MTUS1: variants seen among roughly 807,000 people sequenced by gnomAD.
MTUS1 encodes the protein microtubule-associated tumor suppressor 1.
A neutral mutation model predicts 120.8 loss-of-function variants in MTUS1; 109 were observed. The observed-to-expected ratio is 0.90, with a 90% CI of 0.77 to 1.06. MTUS1 has a LOEUF of 1.06. MTUS1 is among the 50% of genes least tolerant of loss of function. The pLI is 0.00. For synonymous variants in MTUS1, 737 were observed against 550.5 expected, an observed-to-expected ratio of 1.34 and a Z score of -4.74; for missense variants, 2,210 against 1,486.3, an observed-to-expected ratio of 1.49 and a Z score of -8.01.
chr8:17,668,699 G>A (rs1811412760), intron 8 of MTUS1, among the ~76,000 whole-genome samples: 1 of 151,944 alleles, frequency 6.6e-6, no homozygotes, highest in Non-Finnish European at 1.5e-5. Flanking sequence ...TTTAGGTTCA[G>A]GGGCACATGT....
chr8:17,738,966 C>G (rs1355486776), intron 3 of MTUS1, among the ~76,000 whole-genome samples: 2 of 151,062 alleles, frequency 1.3e-5, no homozygotes, highest in South Asian at 2.1e-4. Context: ...AAGTGAGACC[C>G]CCCCATCTCT....
intron 4 of MTUS1, among the ~76,000 whole-genome samples, chr8:17,717,385 T>A (rs1822545181): frequency 6.6e-6 from 1 of 152,198 alleles, no homozygotes; most frequent in African/African-American, 2.4e-5. Flanking sequence ...TTTTAGATGT[T>A]CATAGAAAAT....
At position 17,754,342 on chromosome 8, in the gene MTUS1, G is replaced by A. The variant is rs1443481940; in HGVS notation, c.1466C>T (p.Pro489Leu). Reference protein sequence around the residue: ...LGKSTIKTNTPIGCKVRKTEI... With the variant: ...LGKSTIKTNTLIGCKVRKTEI... ...AGTTTTTCTAACTTTGCAGCCTATT[G>A]GGGTATTCGTTTTGATTGTTGATTT... Residue 489 changes from proline (P) to leucine (L), a missense_variant, in exon 2 of 15, where the codon CCA (proline) becomes CTA (leucine). Pro to Leu is a moderately conservative substitution (Grantham distance 98). Coordinates refer to ENST00000693296, the MANE Select transcript of MTUS1 (RefSeq NM_001363059.2). 6.2e-7 allele frequency: 1 copy of A among 1,614,008 alleles called. No homozygotes were observed. The highest frequency in any genetic ancestry group is 8.5e-7 in the Non-Finnish European group (1 of 1,180,002).
At chr8:17,746,944 T>C (rs939103518) in intron 2 of MTUS1, among the ~76,000 whole-genome samples, 2 of 152,188 alleles carry the variant, frequency 1.3e-5, no homozygotes, top group Admixed American at 1.3e-4. Context: ...GGCACCCAAC[T>C]TCAACAATGA....
chr8:17,782,133 A>G (rs971135075), intron 1 of MTUS1, among the ~76,000 whole-genome samples: 6 of 152,214 alleles, frequency 3.9e-5, no homozygotes, highest in African/African-American at 1.4e-4. Context: ...TAGCCAGGAA[A>G]TTTCAAACAA....
At chr8:17,719,817 G>A (rs941142196) in intron 4 of MTUS1, among the ~76,000 whole-genome samples, 1 of 152,046 alleles carries the variant, frequency 6.6e-6, no homozygotes, top group African/African-American at 2.4e-5. Flanking sequence ...AAAAAACTAA[G>A]GGTAAATAAG....
intron 1 of MTUS1, among the ~76,000 whole-genome samples, chr8:17,772,552 T>C (rs961450058): frequency 2.6e-5 from 4 of 152,206 alleles, no homozygotes; most frequent in East Asian, 1.9e-4. Flanking sequence ...GAAGCACTTA[T>C]GGCTACAATC....
At chr8:17,648,687 T>A (rs1200456053) in intron 13 of MTUS1, among the ~76,000 whole-genome samples, 1 of 152,152 alleles carries the variant, frequency 6.6e-6, no homozygotes, top group African/African-American at 2.4e-5. Context: ...AGTCATAGTC[T>A]CCAGAAGAAA....
intron 4 of MTUS1, among the ~76,000 whole-genome samples, chr8:17,716,232 G>A (rs1330433537): frequency 1.3e-5 from 2 of 152,296 alleles, no homozygotes; most frequent in Admixed American, 6.5e-5. Flanking sequence ...TGCCCCAGGT[G>A]CAGCTAGGAA....
intron 8 of MTUS1, among the ~76,000 whole-genome samples, chr8:17,658,937 A>T (rs1809063168): frequency 6.6e-6 from 1 of 150,504 alleles, no homozygotes; most frequent in Admixed American, 6.7e-5. Context: ...ATCAATCTAC[A>T]AATGTTTATT....
intron 1 of MTUS1, among the ~76,000 whole-genome samples, chr8:17,799,523 C>T (rs1332987496): frequency 6.6e-6 from 1 of 152,066 alleles, no homozygotes; most frequent in African/African-American, 2.4e-5. Context: ...ACAGCAAGCA[C>T]GGATTACTTT....
intron 1 of MTUS1, among the ~76,000 whole-genome samples, chr8:17,760,051 C>CTTTTTTTT (rs1165288999): frequency 7.7e-6 from 1 of 130,210 alleles, no homozygotes; most frequent in Non-Finnish European, 1.6e-5. Flanking sequence ...TCTACGATTT[C>CTTTTTTTT]TTTTCTTTTT....
At chr8:17,792,137 G>T (rs1050069739) in intron 1 of MTUS1, among the ~76,000 whole-genome samples, 1 of 152,048 alleles carries the variant, frequency 6.6e-6, no homozygotes, top group Non-Finnish European at 1.5e-5. Context: ...CTATAATAAA[G>T]TATGTCCCCA....
intron 6 of MTUS1, among the ~76,000 whole-genome samples, chr8:17,709,593 C>G (rs905205006): frequency 1.3e-5 from 2 of 152,102 alleles, no homozygotes; most frequent in African/African-American, 4.8e-5. Flanking sequence ...ATATATCACC[C>G]CATAAGACAC....
chr8:17,688,656 C>G (rs60489385), intron 6 of MTUS1, among the ~76,000 whole-genome samples: 4,378 of 152,280 alleles, frequency 0.029, 287 homozygotes, highest in East Asian at 0.23. Flanking sequence ...TCCCCAGCAT[C>G]TGGTGGCAGG....
At position 17,723,554 on chromosome 8, in the gene MTUS1, A is replaced by G. The variant is rs751069938; in HGVS notation, c.2449+118T>C. ...ACTTTCAGAGCAACTCCAAGGAAGCAGTATGCCTATTTTTCCTGAAACCCC... is the reference window on the plus strand; with the variant it reads ...ACTTTCAGAGCAACTCCAAGGAAGCGGTATGCCTATTTTTCCTGAAACCCC... On this transcript the variant is annotated intron_variant, in intron 4 of 14. Coordinates refer to ENST00000693296, the MANE Select transcript of MTUS1 (RefSeq NM_001363059.2). The G allele has an allele frequency of 2.0e-5, 20 of 1,011,238 alleles. 2 individuals are homozygous for G. Among genetic ancestry groups the G allele is most frequent in the Non-Finnish European group, 2.8e-5 (18 of 644,564 alleles). 62.6% of individuals were successfully genotyped at this position (1,011,238 alleles called of 1,614,324 possible).
intron 7 of MTUS1, among the ~76,000 whole-genome samples, chr8:17,679,284 A>G (rs1291007287): frequency 1.3e-5 from 2 of 152,022 alleles, no homozygotes; most frequent in Non-Finnish European, 2.9e-5. Flanking sequence ...TGTATATAAA[A>G]AACATACATA....
Position 17,755,465 on chromosome 8 carries a change from T to G in MTUS1, c.343A>C (p.Lys115Gln), listed in dbSNP as rs750405947. 2.5e-6 allele frequency: 4 copies of G among 1,614,212 alleles called. 1 individual carries two copies. The South Asian group carries it at 4.4e-5, about 18-fold the overall frequency. Residue 115 changes from lysine to glutamine, a missense_variant, in exon 2 of 15, where the codon AAA becomes CAA. Coordinates refer to ENST00000693296, the MANE Select transcript of MTUS1 (RefSeq NM_001363059.2). Reference protein sequence around the residue: ...CPALVGTEKPKYLQHSCHSLE... With the variant: ...CPALVGTEKPQYLQHSCHSLE... ...GAATGACAACTGTGTTGCAGATATT[T>G]GGGCTTCTCAGTACCTACAAGTGCA... is the stretch of plus-strand genomic sequence containing the variant.
At chr8:17,664,356 G>A (rs1375391665) in intron 8 of MTUS1, among the ~76,000 whole-genome samples, 1 of 152,138 alleles carries the variant, frequency 6.6e-6, no homozygotes, top group African/African-American at 2.4e-5. Flanking sequence ...ATAGAAAGAA[G>A]AGACGAACAG....
Sources: gnomAD v4.1 joint callset for allele counts (sites outside exome capture counted in the v4.1 genomes callset) on GRCh38, gnomAD v4.1.1 for gene constraint, MANE v1.5 for transcripts, NCBI Gene and HGNC (gene_info 2026-07-23, HGNC 2026-07-21) for gene names.